Variants in SMYD3 observed in about 807,000 individuals in gnomAD.
SMYD3 encodes the protein histone-lysine N-methyltransferase SMYD3.
In SMYD3, 36 loss-of-function variants were observed where a neutral mutation model predicts 57.7. The observed-to-expected ratio is 0.62, with a 90% CI of 0.48 to 0.82. The LOEUF (loss-of-function observed/expected upper bound fraction) is 0.82. Among genes scored for constraint, SMYD3 ranks in the 40% least tolerant of loss-of-function variants. SMYD3 has a pLI of 0.00. For synonymous variants in SMYD3, 211 were observed against 195.0 expected, an observed-to-expected ratio of 1.08 and a Z score of -0.68; for missense variants, 515 against 538.8, an observed-to-expected ratio of 0.96 and a Z score of 0.44.
At chr1:246,281,172 A>G (rs2064432288) in intron 5 of SMYD3, among the ~76,000 whole-genome samples, 1 of 152,198 alleles carries the variant, frequency 6.6e-6, no homozygotes, top group East Asian at 1.9e-4. Flanking sequence ...CTAGCATATC[A>G]TTGGACACCA....
intron 2 of SMYD3, among the ~76,000 whole-genome samples, chr1:246,344,958 TGAGA>T (rs1446053788): frequency 6.6e-6 from 1 of 151,560 alleles, no homozygotes; most frequent in Non-Finnish European, 1.5e-5. Context: ...TTGGTTGGGG[TGAGA>T]GAGAGAGAAG....
chr1:246,138,716 C>T (rs1002346057), intron 5 of SMYD3, among the ~76,000 whole-genome samples: 6 of 151,846 alleles, frequency 4.0e-5, no homozygotes, highest in Non-Finnish European at 5.9e-5. Flanking sequence ...TGAGTCACCG[C>T]GCCCAGCCAA....
chr1:246,443,098 A>G (rs1178532069), intron 1 of SMYD3, among the ~76,000 whole-genome samples: 1 of 151,732 alleles, frequency 6.6e-6, no homozygotes, highest in African/African-American at 2.4e-5. Flanking sequence ...GTTTTGTTTT[A>G]CTCTCTTATG....
At chr1:246,214,393 G>A (rs2063133254) in intron 5 of SMYD3, among the ~76,000 whole-genome samples, 1 of 152,036 alleles carries the variant, frequency 6.6e-6, no homozygotes, top group African/African-American at 2.4e-5. Flanking sequence ...TATCTCAAAG[G>A]AAAAATGAAC....
intron 5 of SMYD3, among the ~76,000 whole-genome samples, chr1:246,074,983 A>AT (rs1339973168): frequency 1.3e-5 from 2 of 152,018 alleles, no homozygotes; most frequent in African/African-American, 4.8e-5. Context: ...CCAGAAACCT[A>AT]TAACATATTA....
chr1:246,240,115 T>C (rs1448305737), intron 5 of SMYD3, among the ~76,000 whole-genome samples: 2 of 152,228 alleles, frequency 1.3e-5, no homozygotes, highest in Non-Finnish European at 2.9e-5. Flanking sequence ...TTTGTCTACT[T>C]TGGCTTTTGT....
chr1:245,959,581 C>G (rs2057946575), intron 5 of SMYD3, among the ~76,000 whole-genome samples: 1 of 152,148 alleles, frequency 6.6e-6, no homozygotes, highest in African/African-American at 2.4e-5. Context: ...CTGTTAAACG[C>G]CTTCCAGTGC....
chr1:245,902,537 T>C (rs556166514), intron 8 of SMYD3, among the ~76,000 whole-genome samples: 2 of 152,244 alleles, frequency 1.3e-5, no homozygotes, highest in Admixed American at 6.5e-5. Flanking sequence ...ATATGCACCA[T>C]TACAAGGCCT....
intron 8 of SMYD3, among the ~76,000 whole-genome samples, chr1:245,890,572 C>T (rs1197204248): frequency 2.0e-5 from 3 of 152,226 alleles, no homozygotes; most frequent in Non-Finnish European, 4.4e-5. Context: ...TAGGGAGTAA[C>T]ATATGCTGAC....
chr1:246,166,014 G>C (rs1270189448), intron 5 of SMYD3, among the ~76,000 whole-genome samples: 1 of 151,968 alleles, frequency 6.6e-6, no homozygotes, highest in Non-Finnish European at 1.5e-5. Flanking sequence ...AGGTCAACAA[G>C]GGTCATCCTC....
chr1:245,871,970 C>A (rs765978436), intron 8 of SMYD3, among the ~76,000 whole-genome samples: 6 of 152,148 alleles, frequency 3.9e-5, no homozygotes, highest in African/African-American at 9.7e-5. Context: ...TCTGCACATC[C>A]CATTCCCTTT....
In SMYD3 at chr1:246,199,680, G is replaced by C. The variant is rs552931431; in HGVS notation, c.531+127521C>G. On this transcript the variant is annotated intron_variant, in intron 5 of 11. Transcript: ENST00000490107. ...CCTGATTCGCTGGCTTGGTGGGGTG[G>C]ATGCTTACCAGGAGATCTTGATTGA... Among the ~76,000 whole-genome samples the C allele has an allele frequency of 5.9e-4, 90 of 152,266 alleles. No homozygotes were observed. In the Middle Eastern group the frequency reaches 0.01, roughly 17 times the overall value.
At chr1:246,106,459 T>G (rs1490189158) in intron 5 of SMYD3, among the ~76,000 whole-genome samples, 1 of 151,636 alleles carries the variant, frequency 6.6e-6, no homozygotes, top group Non-Finnish European at 1.5e-5. Context: ...TATCATGATT[T>G]TTAAACAGCA....
At chr1:246,283,037 G>A (rs2064487489) in intron 5 of SMYD3, among the ~76,000 whole-genome samples, 1 of 152,118 alleles carries the variant, frequency 6.6e-6, no homozygotes, top group Non-Finnish European at 1.5e-5. Flanking sequence ...CCCTGAGACA[G>A]GAAAAGCCAC....
At chr1:245,902,268 G>C (rs1026392724) in intron 8 of SMYD3, among the ~76,000 whole-genome samples, 5 of 152,192 alleles carry the variant, frequency 3.3e-5, no homozygotes, top group Non-Finnish European at 7.3e-5. Context: ...ATGACAAATG[G>C]AGCTGAAGCA....
intron 2 of SMYD3, among the ~76,000 whole-genome samples, chr1:246,341,183 A>G (rs1432286255): frequency 6.6e-6 from 1 of 152,220 alleles, no homozygotes; most frequent in Non-Finnish European, 1.5e-5. Flanking sequence ...GTAACTGAGA[A>G]TCAGGGAGAA....
intron 1 of SMYD3, among the ~76,000 whole-genome samples, chr1:246,492,517 G>A (rs970989988): frequency 1.3e-5 from 2 of 152,244 alleles, no homozygotes; most frequent in African/African-American, 4.8e-5. Flanking sequence ...AGACTAGACA[G>A]ACGATTCCCA....
At chr1:246,138,807 G>A (rs2061706649) in intron 5 of SMYD3, among the ~76,000 whole-genome samples, 1 of 152,032 alleles carries the variant, frequency 6.6e-6, no homozygotes, top group Non-Finnish European at 1.5e-5. Flanking sequence ...CAAATCATGT[G>A]GAAAATATTT....
intron 5 of SMYD3, among the ~76,000 whole-genome samples, chr1:246,289,415 A>C (rs1467055186): frequency 1.3e-5 from 2 of 152,208 alleles, no homozygotes; most frequent in Non-Finnish European, 2.9e-5. Flanking sequence ...TTTTGTCTCC[A>C]ATCTAGCAAT....
Sources: allele counts gnomAD v4.1 joint callset (sites outside exome capture counted in the v4.1 genomes callset), GRCh38; gene constraint gnomAD v4.1.1; transcripts MANE v1.5; gene names NCBI Gene and HGNC (gene_info 2026-07-23, HGNC 2026-07-21).